KHDRBS2: variants seen among roughly 807,000 people sequenced by gnomAD.
KHDRBS2 encodes the protein KH domain-containing, RNA-binding, signal transduction-associated protein 2.
In KHDRBS2, 26 loss-of-function variants were observed where a neutral mutation model predicts 44.3. The observed-to-expected ratio is 0.59, with a 90% CI of 0.43 to 0.81. The LOEUF is 0.81. Among genes scored for constraint, KHDRBS2 ranks in the 40% least tolerant of loss-of-function variants. The pLI, the probability that KHDRBS2 is intolerant of heterozygous loss-of-function variation, is 0.00. For missense variants in KHDRBS2, 476 were observed against 433.1 expected (o/e 1.10, Z -0.88); for synonymous variants, 194 against 151.1 (o/e 1.28, Z -2.08).
the KHDRBS2 span, among the ~76,000 whole-genome samples, chr6:61,578,445 G>A: frequency 6.6e-6 from 1 of 152,148 alleles, no homozygotes; most frequent in Non-Finnish European, 1.5e-5. Flanking sequence ...TTTATAGAAT[G>A]AATTTTGCAA....
chr6:62,195,149 TGTTA>T (rs1339402994), intron 1 of KHDRBS2, among the ~76,000 whole-genome samples: 2 of 152,194 alleles, frequency 1.3e-5, no homozygotes, highest in Non-Finnish European at 2.9e-5. Flanking sequence ...TGCCCTTATT[TGTTA>T]AATTCATTTC....
chr6:62,004,983 T>C (rs370488114), intron 3 of KHDRBS2, among the ~76,000 whole-genome samples: 10 of 152,260 alleles, frequency 6.6e-5, no homozygotes, highest in African/African-American at 2.4e-4. Context: ...CTAAGAAGTC[T>C]CAATAAAGTA....
chr6:61,691,726 A>G (rs2127542005), intron 8 of KHDRBS2, among the ~76,000 whole-genome samples: 1 of 152,240 alleles, frequency 6.6e-6, no homozygotes, highest in South Asian at 2.1e-4. Flanking sequence ...CACAACTGCC[A>G]GTTAACTTCA....
At chr6:61,626,439 T>C in the KHDRBS2 span, among the ~76,000 whole-genome samples, 1 of 152,206 alleles carries the variant, frequency 6.6e-6, no homozygotes, top group East Asian at 1.9e-4. Flanking sequence ...AAGTTTCCAC[T>C]GGTATGCAAT....
the KHDRBS2 span, among the ~76,000 whole-genome samples, chr6:61,654,680 T>G: frequency 4.0e-5 from 6 of 150,990 alleles, no homozygotes; most frequent in African/African-American, 1.5e-4. Context: ...ACCCATTTCT[T>G]CTCTGAGTTG....
At chr6:62,127,451 C>T (rs2150087230) in intron 2 of KHDRBS2, among the ~76,000 whole-genome samples, 1 of 152,156 alleles carries the variant, frequency 6.6e-6, no homozygotes, top group Admixed American at 6.5e-5. Context: ...TCAGTTTTAT[C>T]TCTGAGTTGG....
rs111299746 is a variant in KHDRBS2 at position 61,908,360 on chromosome 6, C to T, written c.484-6989G>A. On this transcript the variant is annotated intron_variant, in intron 4 of 8. Transcript: ENST00000281156. ...ATTAAAAATCAATACATAGGCTGGGCGTGGTGGCTCATACTTGTAATCCCA... is the reference window on the plus strand; with the variant it reads ...ATTAAAAATCAATACATAGGCTGGGTGTGGTGGCTCATACTTGTAATCCCA... 3.7e-3 allele frequency among the ~76,000 whole-genome samples: 567 copies of T among 152,048 alleles called. 6 individuals carry two copies. The highest frequency in any genetic ancestry group is 0.013 in the African/African-American group (531 of 41,486).
At chr6:62,208,941 G>C (rs1008965087) in intron 1 of KHDRBS2, among the ~76,000 whole-genome samples, 3 of 152,096 alleles carry the variant, frequency 2.0e-5, no homozygotes, top group African/African-American at 7.2e-5. Flanking sequence ...ATGGACCTTG[G>C]CAATGATTTT....
At chr6:62,201,953 T>A (rs1444322543) in intron 1 of KHDRBS2, among the ~76,000 whole-genome samples, 2 of 152,030 alleles carry the variant, frequency 1.3e-5, no homozygotes, top group African/African-American at 4.8e-5. Context: ...CTTATGGATA[T>A]GTAAAAATTA....
chr6:62,018,472 G>A (rs1282007931), intron 3 of KHDRBS2, among the ~76,000 whole-genome samples: 1 of 151,784 alleles, frequency 6.6e-6, no homozygotes, highest in Non-Finnish European at 1.5e-5. Context: ...CTCAGCCTCC[G>A]GAGTAGCTGG....
rs185283432 is a variant in KHDRBS2, at chr6:62,019,984, T to C, written c.336+27894A>G. Among the ~76,000 whole-genome samples the C allele has an allele frequency of 6.4e-4, 97 of 151,970 alleles. 1 individual carries two copies. The highest frequency in any genetic ancestry group is 2.3e-3 in the African/African-American group (94 of 41,526). ...TTATTTTATACTTAATTTGGTCTTC[T>C]TTTCCTAATTTTAAGGTGGAAGTTG... On this transcript the variant is annotated intron_variant, in intron 3 of 8. Coordinates refer to ENST00000281156, the MANE Select transcript of KHDRBS2 (RefSeq NM_152688.4).
At chr6:61,988,255 G>T (rs116257468) in intron 3 of KHDRBS2, among the ~76,000 whole-genome samples, 2,553 of 152,180 alleles carry the variant, frequency 0.017, 28 homozygotes, top group Non-Finnish European at 0.026. Flanking sequence ...TCAAGGAAAA[G>T]AAGGCAATTA....
At chr6:61,836,049 A>G (rs1792619574) in intron 6 of KHDRBS2, among the ~76,000 whole-genome samples, 1 of 151,986 alleles carries the variant, frequency 6.6e-6, no homozygotes, top group Non-Finnish European at 1.5e-5. Flanking sequence ...GAGGTTCAAG[A>G]GAGATTAAGT....
chr6:61,857,394 A>G (rs1347450337), intron 6 of KHDRBS2, among the ~76,000 whole-genome samples: 10 of 152,110 alleles, frequency 6.6e-5, no homozygotes, highest in Admixed American at 4.6e-4. Flanking sequence ...TGGCTTAAAA[A>G]TAGTCTCAAA....
At chr6:61,547,845 A>T in the KHDRBS2 span, among the ~76,000 whole-genome samples, 1 of 152,170 alleles carries the variant, frequency 6.6e-6, no homozygotes, top group East Asian at 1.9e-4. Context: ...TTCCCCAAAA[A>T]GTCCAATTTC....
chr6:62,229,532 C>T (rs1832541070), intron 1 of KHDRBS2, among the ~76,000 whole-genome samples: 2 of 152,316 alleles, frequency 1.3e-5, no homozygotes, highest in South Asian at 2.1e-4. Flanking sequence ...GTGCTTGTTG[C>T]CCCTCCCCAC....
At chr6:61,881,697 T>C (rs1325362692) in intron 6 of KHDRBS2, among the ~76,000 whole-genome samples, 5 of 151,986 alleles carry the variant, frequency 3.3e-5, no homozygotes, top group Non-Finnish European at 7.4e-5. Context: ...TGACTTAATT[T>C]GTCTAGTTGG....
At chr6:61,821,148 C>A (rs548334052) in intron 6 of KHDRBS2, among the ~76,000 whole-genome samples, 2 of 152,018 alleles carry the variant, frequency 1.3e-5, no homozygotes, top group East Asian at 3.9e-4. Context: ...ACAACTGCAC[C>A]CCTCAGGAAC....
At chr6:61,967,027 A>G (rs1770116990) in intron 4 of KHDRBS2, among the ~76,000 whole-genome samples, 1 of 151,874 alleles carries the variant, frequency 6.6e-6, no homozygotes, top group Non-Finnish European at 1.5e-5. Flanking sequence ...TACAAAAATT[A>G]TGTATATTTT....
Sources: gnomAD v4.1 joint callset for allele counts (sites outside exome capture counted in the v4.1 genomes callset) on GRCh38, gnomAD v4.1.1 for gene constraint, MANE v1.5 for transcripts, NCBI Gene and HGNC (gene_info 2026-07-23, HGNC 2026-07-21) for gene names.